The following TBC1D31 variants were observed in gnomAD, a reference collection of about 807,000 sequenced individuals.
The protein encoded by TBC1D31 is TBC1 domain family member 31.
TBC1D31 carries 99 observed loss-of-function variants against 132.9 expected under a neutral mutation model. The ratio of observed to expected loss-of-function variants is 0.74; its 90% confidence interval spans 0.63 to 0.88. The LOEUF (loss-of-function observed/expected upper bound fraction) is 0.88. Among genes scored for constraint, TBC1D31 ranks in the 40% least tolerant of loss-of-function variants. The pLI, the probability that TBC1D31 is intolerant of heterozygous loss-of-function variation, is 0.00. For missense variants in TBC1D31, 1,134 were observed against 1,256.6 expected (o/e 0.90, Z 1.48); for synonymous variants, 385 against 419.4 (o/e 0.92, Z 1.00).
chr8:123,129,724 A>G (rs1586699027), intron 15 of TBC1D31, among the ~76,000 whole-genome samples: 1 of 152,208 alleles, frequency 6.6e-6, no homozygotes, highest in East Asian at 1.9e-4. Flanking sequence ...AGTCCCAGCT[A>G]CTAGGTAGGA....
chr8:123,152,386 G>A (rs1459662672), downstream of TBC1D31, among the ~76,000 whole-genome samples: 1 of 152,028 alleles, frequency 6.6e-6, no homozygotes, highest in African/African-American at 2.4e-5. Context: ...CCCCCTCTTT[G>A]TCAGGGACCC....
intron 10 of TBC1D31, among the ~76,000 whole-genome samples, chr8:123,115,632 C>T (rs935562382): frequency 2.0e-5 from 3 of 152,202 alleles, no homozygotes; most frequent in African/African-American, 7.2e-5. Context: ...AGCAGGGCCA[C>T]ATTCCTTTCT....
Position 123,090,961 on chromosome 8 carries a change from T to TAATA in TBC1D31, c.520-2616_520-2613dup, listed in dbSNP as rs149533102. Among the ~76,000 whole-genome samples the TAATA allele has an allele frequency of 6.9e-3, 1,055 of 151,802 alleles. 13 individuals carry two copies. Among genetic ancestry groups the TAATA allele is most frequent in the African/African-American group, 0.024 (1,008 of 41,394 alleles). ...GTCTCAAAATAAATAAATAAATCAA[T>TAATA]AATAAATAAATAAATAATAAGGTAA... is the stretch of plus-strand genomic sequence containing the variant. On this transcript the variant is annotated intron_variant, in intron 4 of 21. Coordinates refer to ENST00000287380, the MANE Select transcript of TBC1D31 (RefSeq NM_145647.4).
In TBC1D31 at chr8:123,097,385, C is replaced by T. The variant is rs763700367; in HGVS notation, c.775C>T (p.Arg259Ter). The change falls in exon 6 of 22, where the codon CGA becomes TGA. Residue 259 changes from arginine (R) to a stop codon, truncating the protein, a stop_gained. Coordinates refer to ENST00000287380, the MANE Select transcript of TBC1D31 (RefSeq NM_145647.4). LOFTEE classifies it high-confidence loss of function. ...AATTATCCAGATGCCCACTAAAGTT[C>T]GAGCCATTCGCCATCTGGAATTTCT... is the stretch of plus-strand genomic sequence containing the variant. ...FRIIQMPTKVRAIRHLEFLPD... is the reference protein window; with the variant it reads ...FRIIQMPTKV The T allele has an allele frequency of 1.5e-5, 25 of 1,613,978 alleles. No homozygotes were observed. The highest frequency in any genetic ancestry group is 5.3e-5 in the African/African-American group (4 of 74,892).
chr8:123,128,635 G>C (rs543818079), intron 14 of TBC1D31, 122 bp downstream of exon 14: 76 of 713,696 alleles, frequency 1.1e-4, no homozygotes, highest in Non-Finnish European at 1.4e-4. Context: ...CCAGCACTTT[G>C]GGAGGCCAAG....
chr8:123,127,646 G>T (rs947607893), intron 13 of TBC1D31, among the ~76,000 whole-genome samples: 1 of 152,106 alleles, frequency 6.6e-6, no homozygotes, highest in Non-Finnish European at 1.5e-5. Context: ...TGACCCATCT[G>T]GTCTTAGAGG....
Position 123,082,472 on chromosome 8 carries a change from AAC to A in TBC1D31, c.225-226_225-225del, listed in dbSNP as rs1200043739. On this transcript the variant is annotated intron_variant, in intron 2 of 21. Coordinates refer to ENST00000287380, the MANE Select transcript of TBC1D31 (RefSeq NM_145647.4). ...ATTGCTGCCAGGATCGTCTTCCTAA[AAC>A]ACATACCTGATTGTGATTCTGCTGT... The A allele has an allele frequency of 1.6e-5, 7 of 442,860 alleles. No homozygotes were observed. In the South Asian group the frequency reaches 3.0e-4, roughly 19 times the overall value. 27.4% of individuals were successfully genotyped at this position (442,860 alleles called of 1,614,324 possible). A position where few individuals can be genotyped will look rare whatever the true frequency, so the allele number is the denominator to read the frequency against.
chr8:123,085,064 A>C (rs1815585217), intron 4 of TBC1D31, among the ~76,000 whole-genome samples: 1 of 152,204 alleles, frequency 6.6e-6, no homozygotes, highest in Non-Finnish European at 1.5e-5. Context: ...TGCTGGGATT[A>C]CAGGCATAAG....
At chr8:123,133,072 C>T (rs1820773675) in intron 16 of TBC1D31, among the ~76,000 whole-genome samples, 1 of 152,260 alleles carries the variant, frequency 6.6e-6, no homozygotes, top group Non-Finnish European at 1.5e-5. Flanking sequence ...CCCTGCCAAA[C>T]TGCAAAAGCT....
intron 3 of TBC1D31, 84 bp from the exon 4 acceptor site, chr8:123,084,078 C>G: frequency 8.6e-7 from 1 of 1,163,962 alleles, no homozygotes. Context: ...CCCATTGCAT[C>G]AGTTCATCTA....
At chr8:123,097,565 T>A in intron 6 of TBC1D31, 124 bp downstream of exon 6, 1 of 1,186,902 alleles carries the variant, frequency 8.4e-7, no homozygotes, top group Non-Finnish European at 1.1e-6. Flanking sequence ...ATTACAAATA[T>A]GTTATTTTTG....
intron 7 of TBC1D31, among the ~76,000 whole-genome samples, chr8:123,104,926 G>A (rs923301966): frequency 4.6e-5 from 7 of 152,000 alleles, no homozygotes; most frequent in African/African-American, 1.7e-4. Context: ...AATTCTAGAG[G>A]GCCATACCTC....
intron 17 of TBC1D31, among the ~76,000 whole-genome samples, chr8:123,139,155 T>C (rs1219083361): frequency 6.6e-6 from 1 of 151,924 alleles, no homozygotes; most frequent in Non-Finnish European, 1.5e-5. Flanking sequence ...TGATTTTTTG[T>C]TGAAAACTAG....
intron 14 of TBC1D31, 83 bp downstream of exon 14, chr8:123,128,596 G>T (rs1231932163): frequency 8.8e-7 from 1 of 1,134,974 alleles, no homozygotes; most frequent in Non-Finnish European, 1.3e-6. Context: ...AATACATTTG[G>T]CTGAGCGCGG....
At chr8:123,146,308 C>G (rs1822206478) in intron 20 of TBC1D31, among the ~76,000 whole-genome samples, 1 of 152,178 alleles carries the variant, frequency 6.6e-6, no homozygotes, top group Non-Finnish European at 1.5e-5. Context: ...ACCCAGTACC[C>G]ATTAGCAGTC....
At position 123,105,683 on chromosome 8, in the gene TBC1D31, A is replaced by T. The variant is rs1319662980; in HGVS notation, c.1209+219A>T. On this transcript the variant is annotated intron_variant, in intron 8 of 21. Coordinates refer to ENST00000287380, the MANE Select transcript of TBC1D31 (RefSeq NM_145647.4). ...TCAAAGTGCTGTGATTACAGGCATG[A>T]GCTGCCACACCCAGCCATATGGCAG... Among the ~76,000 whole-genome samples the T allele has an allele frequency of 3.9e-5, 6 of 152,304 alleles. No individual in the cohort carries two copies. The East Asian group carries it at 1.2e-3, about 29-fold the overall frequency.
chr8:123,129,974 G>A (rs1449891697), intron 15 of TBC1D31, among the ~76,000 whole-genome samples: 1 of 152,076 alleles, frequency 6.6e-6, no homozygotes, highest in Admixed American at 6.6e-5. Context: ...TTTATAGTGT[G>A]GGTTAAAAGG....
At chr8:123,147,396 C>T (rs975211335) in intron 20 of TBC1D31, among the ~76,000 whole-genome samples, 3 of 152,128 alleles carry the variant, frequency 2.0e-5, no homozygotes, top group Non-Finnish European at 2.9e-5. Context: ...TGGTCTCAAT[C>T]TCTTGACCCT....
chr8:123,108,135 A>G (rs1818111175), intron 8 of TBC1D31, among the ~76,000 whole-genome samples: 1 of 152,168 alleles, frequency 6.6e-6, no homozygotes, highest in South Asian at 2.1e-4. Flanking sequence ...TCTTCTTGTA[A>G]AAAGAGCACT....
Sources: allele counts gnomAD v4.1 joint callset (sites outside exome capture counted in the v4.1 genomes callset), GRCh38; gene constraint gnomAD v4.1.1; transcripts MANE v1.5; gene names NCBI Gene and HGNC (gene_info 2026-07-23, HGNC 2026-07-21).